Variants in CDH8 observed in about 807,000 individuals in gnomAD.
CDH8 encodes the protein cadherin 8.
A neutral mutation model predicts 68.1 loss-of-function variants in CDH8; 17 were observed. The observed-to-expected ratio is 0.25, with a 90% CI of 0.17 to 0.37. The LOEUF (loss-of-function observed/expected upper bound fraction) is 0.37. Ranked by LOEUF, CDH8 falls within the 10% of genes least tolerant of loss-of-function variation. The pLI is 1.00. For synonymous variants in CDH8, 372 were observed against 365.1 expected (o/e 1.02, Z -0.21); for missense variants, 763 against 999.3 (o/e 0.76, Z 3.19).
Position 61,650,031 on chromosome 16 carries a change from C to A in CDH8, c.*3577G>T, listed in dbSNP as rs952595711. On this transcript the variant is annotated 3_prime_UTR_variant, in exon 12 of 12. Coordinates refer to ENST00000577390, the MANE Select transcript of CDH8 (RefSeq NM_001796.5). Reference sequence around the variant, plus strand: ...TCCTTTTCTTCTATATATACACATACACTTAACTGCAGATTTTTTTCAAAA... The same window carrying A: ...TCCTTTTCTTCTATATATACACATAAACTTAACTGCAGATTTTTTTCAAAA... 6.6e-6 allele frequency: 1 copy of A among 152,034 alleles called. No homozygotes were observed. Among genetic ancestry groups the A allele is most frequent in the Non-Finnish European group, 1.5e-5 (1 of 67,990 alleles). 9.4% of individuals were successfully genotyped at this position (152,034 alleles called of 1,614,324 possible).
intron 8 of CDH8, among the ~76,000 whole-genome samples, chr16:61,751,382 T>TAA (rs71134375): frequency 0.064 from 3,456 of 54,110 alleles, 455 homozygotes; most frequent in East Asian, 0.083. Context: ...ATATTCTCCT[T>TAA]AAAAAAAAAA....
intron 3 of CDH8, among the ~76,000 whole-genome samples, chr16:61,896,724 G>A (rs947033447): frequency 4.6e-5 from 7 of 152,006 alleles, no homozygotes; most frequent in Non-Finnish European, 5.9e-5. Context: ...GCATAAAATC[G>A]ATATATAAGG....
chr16:61,725,938 T>C (rs1422881082), intron 9 of CDH8: 1 of 150,186 alleles, frequency 6.7e-6, no homozygotes, highest in Non-Finnish European at 1.5e-5. Flanking sequence ...CTTATTCTGG[T>C]AGATGGAAAC....
At chr16:61,768,369 CCTTTCTCTCTCTCTCTCTCTCTCT>C (rs1960675716) in intron 8 of CDH8, among the ~76,000 whole-genome samples, 1 of 23,542 alleles carries the variant, frequency 4.2e-5, no homozygotes, top group Non-Finnish European at 7.8e-5. Context: ...TCTCTCTCTC[CCTTTCTCTCTCTCTCTCTCTCTCT>C]CCCTTTCTCT....
intron 10 of CDH8, among the ~76,000 whole-genome samples, chr16:61,658,649 A>G (rs1963498541): frequency 2.0e-5 from 3 of 152,086 alleles, no homozygotes; most frequent in African/African-American, 7.2e-5. Flanking sequence ...ACTTTATCAT[A>G]AATCTTGGTG....
At chr16:62,005,734 TAAAAAA>T (rs10552670) in intron 2 of CDH8, among the ~76,000 whole-genome samples, 17 of 114,034 alleles carry the variant, frequency 1.5e-4, no homozygotes, top group Non-Finnish European at 2.3e-4. Context: ...GACTTCGTCT[TAAAAAA>T]AAAAAAAAAA....
intron 2 of CDH8, among the ~76,000 whole-genome samples, chr16:61,975,908 G>A (rs527779422): frequency 6.6e-6 from 1 of 152,260 alleles, no homozygotes; most frequent in East Asian, 1.9e-4. Flanking sequence ...TCCACTGAGT[G>A]CATGACAGTA....
At chr16:62,031,317 CTT>C (rs1302172142) in intron 1 of CDH8, among the ~76,000 whole-genome samples, 1 of 152,062 alleles carries the variant, frequency 6.6e-6, no homozygotes, top group East Asian at 1.9e-4. Context: ...TAAAAATAGA[CTT>C]AGGAGGACTT....
intron 2 of CDH8, among the ~76,000 whole-genome samples, chr16:61,939,191 G>A (rs548174157): frequency 1.3e-5 from 2 of 151,902 alleles, no homozygotes; most frequent in African/African-American, 2.4e-5. Context: ...AGATGAAGAC[G>A]GATAACAAAT....
At chr16:61,992,244 T>C (rs569664753) in intron 2 of CDH8, among the ~76,000 whole-genome samples, 1 of 151,404 alleles carries the variant, frequency 6.6e-6, no homozygotes, top group South Asian at 2.1e-4. Flanking sequence ...ATGTACACCG[T>C]GGAATACTAT....
At chr16:61,902,949 G>C (rs973975036) in intron 2 of CDH8, among the ~76,000 whole-genome samples, 6 of 152,102 alleles carry the variant, frequency 3.9e-5, no homozygotes, top group African/African-American at 1.4e-4. Flanking sequence ...ATTCATTAAT[G>C]TGATATTAAT....
intron 3 of CDH8, among the ~76,000 whole-genome samples, chr16:61,895,245 T>A (rs537907127): frequency 6.6e-6 from 1 of 152,232 alleles, no homozygotes; most frequent in Admixed American, 6.5e-5. Flanking sequence ...CATAATGCTC[T>A]TATAAACAGA....
At chr16:61,799,488 A>G (rs1961570464) in intron 7 of CDH8, among the ~76,000 whole-genome samples, 1 of 152,164 alleles carries the variant, frequency 6.6e-6, no homozygotes, top group South Asian at 2.1e-4. Context: ...AGCCCATTAT[A>G]GACTTTCTTG....
chr16:61,669,966 C>T (rs542324665), intron 10 of CDH8, among the ~76,000 whole-genome samples: 1 of 152,046 alleles, frequency 6.6e-6, no homozygotes, highest in African/African-American at 2.4e-5. Flanking sequence ...AAAACTTCAG[C>T]CTTATGACTC....
chr16:61,758,208 G>C (rs1960370770), intron 8 of CDH8, among the ~76,000 whole-genome samples: 1 of 152,050 alleles, frequency 6.6e-6, no homozygotes, highest in South Asian at 2.1e-4. Context: ...ATACTGGTGA[G>C]AATTTTGACC....
chr16:61,673,574 T>A (rs571762378), intron 10 of CDH8, among the ~76,000 whole-genome samples: 1 of 152,140 alleles, frequency 6.6e-6, no homozygotes, highest in Admixed American at 6.6e-5. Flanking sequence ...TTATTCAATA[T>A]GTACAATAAG....
intron 2 of CDH8, among the ~76,000 whole-genome samples, chr16:61,956,583 T>C (rs1964992863): frequency 6.6e-6 from 1 of 152,198 alleles, no homozygotes; most frequent in Admixed American, 6.5e-5. Context: ...GCAGTATCTA[T>C]TTTTACCATA....
At chr16:61,984,941 T>C (rs1899112179) in intron 2 of CDH8, among the ~76,000 whole-genome samples, 1 of 152,238 alleles carries the variant, frequency 6.6e-6, no homozygotes, top group Non-Finnish European at 1.5e-5. Context: ...TAGTGCTATT[T>C]CTGTTTATAT....
chr16:61,685,786 C>T lies in CDH8; in HGVS notation c.1654+28055G>A, dbSNP rs867461213. Reference sequence around the variant, plus strand: ...TTTCCTGCAGAGACAATGAGCTTGACTTGCTTCACCCATACTTTTCTTAGA... The same window carrying T: ...TTTCCTGCAGAGACAATGAGCTTGATTTGCTTCACCCATACTTTTCTTAGA... On this transcript the variant is annotated intron_variant, in intron 10 of 11. Transcript: ENST00000577390. 6.6e-5 allele frequency among the ~76,000 whole-genome samples: 10 copies of T among 151,856 alleles called. 1 individual carries two copies. Among genetic ancestry groups the T allele is most frequent in the African/African-American group, 2.4e-4 (10 of 41,364 alleles).
Sources: gnomAD v4.1 joint callset for allele counts (sites outside exome capture counted in the v4.1 genomes callset) on GRCh38, gnomAD v4.1.1 for gene constraint, MANE v1.5 for transcripts, NCBI Gene and HGNC (gene_info 2026-07-23, HGNC 2026-07-21) for gene names.